DPH6: variants seen among roughly 807,000 people sequenced by gnomAD.
DPH6 encodes the protein diphthamine biosynthesis 6.
A neutral mutation model predicts 38.2 loss-of-function variants in DPH6; 33 were observed. That is an observed-to-expected ratio of 0.86 (90% CI 0.65 to 1.15). The LOEUF is 1.15. Ranked by LOEUF, DPH6 falls within the 50% of genes most tolerant of loss-of-function variation. The pLI is 0.00. For synonymous variants in DPH6, 108 were observed against 103.0 expected (o/e 1.05, Z -0.30); for missense variants, 325 against 320.0 (o/e 1.02, Z -0.12).
the DPH6 span, among the ~76,000 whole-genome samples, chr15:35,164,897 G>A: frequency 5.3e-5 from 8 of 151,786 alleles, no homozygotes; most frequent in African/African-American, 1.9e-4. Context: ...TGCCACTATA[G>A]GTGTTTGCTA....
At chr15:35,380,570 C>G (rs935851191) in intron 7 of DPH6, among the ~76,000 whole-genome samples, 1 of 151,864 alleles carries the variant, frequency 6.6e-6, no homozygotes, top group Non-Finnish European at 1.5e-5. Context: ...TTTGGTTAGT[C>G]CTATATTAAC....
At position 35,523,394 on chromosome 15, in the gene DPH6, AAG is replaced by A. The variant is rs2054952184; in HGVS notation, c.312+14878_312+14879del. 2.0e-5 allele frequency among the ~76,000 whole-genome samples: 3 copies of A among 152,040 alleles called. No homozygotes were observed. The East Asian group carries it at 5.8e-4, about 29-fold the overall frequency. ...CCCATTGAATACTAATCCCACCAAT[AAG>A]AGATTATTTTAAAGAAGAGATGTTA... On this transcript the variant is annotated intron_variant, in intron 3 of 8. Transcript: ENST00000256538.
At chr15:35,303,667 A>G (rs1566864114) in intron 3 of DPH6, among the ~76,000 whole-genome samples, 1 of 151,518 alleles carries the variant, frequency 6.6e-6, no homozygotes, top group Non-Finnish European at 1.5e-5. Flanking sequence ...TGAAGAGAAA[A>G]TTATTCAGAT....
At chr15:35,154,149 A>T in the DPH6 span, among the ~76,000 whole-genome samples, 1 of 152,154 alleles carries the variant, frequency 6.6e-6, no homozygotes, top group East Asian at 1.9e-4. Flanking sequence ...AGTAAGGTAT[A>T]TTACAAAACA....
chr15:35,430,873 A>C (rs1425505087), intron 5 of DPH6, among the ~76,000 whole-genome samples: 1 of 152,182 alleles, frequency 6.6e-6, no homozygotes, highest in Non-Finnish European at 1.5e-5. Context: ...AATGCAAATA[A>C]AAATGTGAAA....
intron 1 of DPH6, among the ~76,000 whole-genome samples, chr15:35,542,944 G>GAA (rs2055279017): frequency 1.1e-4 from 1 of 8,954 alleles, no homozygotes; most frequent in Admixed American, 1.8e-3. Context: ...TCCACTTAAG[G>GAA]AATATATATA....
chr15:35,336,128 T>G (rs2052369795), intron 3 of DPH6, among the ~76,000 whole-genome samples: 1 of 152,214 alleles, frequency 6.6e-6, no homozygotes, highest in South Asian at 2.1e-4. Flanking sequence ...TATTTTATTC[T>G]TTTTGTAGCA....
chr15:35,405,428 T>C (rs117940867), intron 6 of DPH6, among the ~76,000 whole-genome samples: 3,569 of 152,168 alleles, frequency 0.023, 51 homozygotes, highest in Non-Finnish European at 0.037. Flanking sequence ...TTCATTTCTT[T>C]GGTCAATTCC....
chr15:35,424,734 A>C (rs11638640), intron 5 of DPH6, among the ~76,000 whole-genome samples: 55,283 of 151,246 alleles, frequency 0.37, 12,124 homozygotes, highest in African/African-American at 0.62. Flanking sequence ...TTCTCTTCCC[A>C]ATTGAAAACA....
At chr15:35,179,204 CAAAAAAAAAA>C in the DPH6 span, among the ~76,000 whole-genome samples, 1 of 50,592 alleles carries the variant, frequency 2.0e-5, no homozygotes, top group East Asian at 5.0e-4. Flanking sequence ...ACAACTCTGT[CAAAAAAAAAA>C]AAAAAAAAAA....
chr15:35,543,045 A>C (rs2055285739), intron 1 of DPH6, among the ~76,000 whole-genome samples: 1 of 144,052 alleles, frequency 6.9e-6, no homozygotes, highest in African/African-American at 2.5e-5. Context: ...ATTCTGCTCC[A>C]CCATAAGAAA....
At chr15:35,451,984 TG>T (rs1384758650) in intron 4 of DPH6, among the ~76,000 whole-genome samples, 1 of 152,138 alleles carries the variant, frequency 6.6e-6, no homozygotes, top group East Asian at 1.9e-4. Context: ...CACTCCAGCC[TG>T]GGCGACAGAG....
chr15:35,401,483 G>A (rs2053218504), intron 6 of DPH6: 2 of 772,090 alleles, frequency 2.6e-6, no homozygotes, highest in East Asian at 2.4e-5. Context: ...GGAAACCAGG[G>A]CAGTGGCTAT....
At chr15:35,526,684 A>G (rs1427944275) in intron 3 of DPH6, among the ~76,000 whole-genome samples, 1 of 152,198 alleles carries the variant, frequency 6.6e-6, no homozygotes, top group Non-Finnish European at 1.5e-5. Flanking sequence ...TAACTTTCAC[A>G]CTTAAGTCCT....
the DPH6 span, among the ~76,000 whole-genome samples, chr15:35,194,229 A>G: frequency 6.6e-6 from 1 of 152,146 alleles, no homozygotes; most frequent in Admixed American, 6.6e-5. Context: ...TATGTTGCCC[A>G]GAAAGGAAAG....
At chr15:35,254,743 C>A (rs1303731047) in intron 3 of DPH6, among the ~76,000 whole-genome samples, 4 of 152,034 alleles carry the variant, frequency 2.6e-5, no homozygotes, top group Admixed American at 6.6e-5. Flanking sequence ...CACCTGGGTG[C>A]AGGTGGGCTG....
chr15:35,324,896 A>T (rs1407533988), intron 3 of DPH6, among the ~76,000 whole-genome samples: 2 of 152,198 alleles, frequency 1.3e-5, no homozygotes, highest in African/African-American at 4.8e-5. Flanking sequence ...TGAAACAATT[A>T]TAAGTTTAAA....
chr15:35,353,127 TTTG>T (rs1358307246), intron 3 of DPH6, among the ~76,000 whole-genome samples: 2 of 151,974 alleles, frequency 1.3e-5, no homozygotes, highest in African/African-American at 4.8e-5. Context: ...GATGGGGTTG[TTTG>T]TTTTTTTCTT....
intron 3 of DPH6, among the ~76,000 whole-genome samples, chr15:35,462,383 T>C (rs900651214): frequency 1.3e-5 from 2 of 152,064 alleles, no homozygotes; most frequent in Non-Finnish European, 2.9e-5. Flanking sequence ...TCCTTGCAGA[T>C]AGCCTTAAAG....
Sources: allele counts gnomAD v4.1 joint callset (sites outside exome capture counted in the v4.1 genomes callset), GRCh38; gene constraint gnomAD v4.1.1; transcripts MANE v1.5; gene names NCBI Gene and HGNC (gene_info 2026-07-23, HGNC 2026-07-21).